KAZN: variants seen among roughly 807,000 people sequenced by gnomAD.
KAZN encodes the protein kazrin.
In KAZN, 40 loss-of-function variants were observed where a neutral mutation model predicts 87.4. That is an observed-to-expected ratio of 0.46 (90% CI 0.36 to 0.60). The LOEUF is 0.60. Ranked by LOEUF, KAZN falls within the 20% of genes least tolerant of loss-of-function variation. The probability of loss-of-function intolerance (pLI) is 0.00; values close to 1 mark genes in which losing one functional copy is unlikely to be tolerated. For synonymous variants in KAZN, 466 were observed against 458.3 expected, an observed-to-expected ratio of 1.02 and a Z score of -0.22; for missense variants, 898 against 1,073.9, an observed-to-expected ratio of 0.84 and a Z score of 2.29.
chr1:14,410,326 TCATA>T (rs1301536042), intron 2 of KAZN, among the ~76,000 whole-genome samples: 1 of 152,178 alleles, frequency 6.6e-6, no homozygotes, highest in East Asian at 1.9e-4. Flanking sequence ...GATCTTGAAC[TCATA>T]GCCTTAAGTG....
intron 2 of KAZN, among the ~76,000 whole-genome samples, chr1:14,511,095 G>A (rs1158757039): frequency 7.2e-6 from 1 of 138,058 alleles, no homozygotes; most frequent in Non-Finnish European, 1.5e-5. Flanking sequence ...ATGGGCTTTA[G>A]AGTTATCTGC....
chr1:14,389,919 C>G (rs1311367890), intron 2 of KAZN, among the ~76,000 whole-genome samples: 2 of 152,152 alleles, frequency 1.3e-5, no homozygotes, highest in African/African-American at 4.8e-5. Flanking sequence ...CCCATTTACC[C>G]TGCTGTGACC....
intron 1 of KAZN, among the ~76,000 whole-genome samples, chr1:14,623,525 T>G (rs1678877943): frequency 6.6e-6 from 1 of 152,292 alleles, no homozygotes; most frequent in African/African-American, 2.4e-5. Flanking sequence ...GGTATTGAAC[T>G]TAATACCTGA....
At chr1:14,359,229 T>C (rs1488986461) in intron 2 of KAZN, among the ~76,000 whole-genome samples, 1 of 152,314 alleles carries the variant, frequency 6.6e-6, no homozygotes, top group East Asian at 1.9e-4. Flanking sequence ...TATCAGAGAC[T>C]AGGATTACAA....
rs1454842978 is a variant in KAZN at position 15,094,539 on chromosome 1, C to T, written c.1428+154C>T. On this transcript the variant is annotated intron_variant, in intron 9 of 14. Transcript: ENST00000376030. This position sits in a 1 kb window ranked among gnomAD's most constrained non-coding sequence, Gnocchi z 4.5. Reference sequence around the variant, plus strand: ...GCAATCAGCCTCTGATGTACCTGCTCATTGTGCCTCCCTGGCAAGGCAGAG... The same window carrying T: ...GCAATCAGCCTCTGATGTACCTGCTTATTGTGCCTCCCTGGCAAGGCAGAG... Among the ~76,000 whole-genome samples the T allele has an allele frequency of 2.0e-5, 3 of 152,212 alleles. No individual in the cohort carries two copies. Among genetic ancestry groups the T allele is most frequent in the Non-Finnish European group, 4.4e-5 (3 of 68,018 alleles).
chr1:14,327,788 C>A (rs919849422), intron 2 of KAZN, among the ~76,000 whole-genome samples: 1 of 152,174 alleles, frequency 6.6e-6, no homozygotes, highest in South Asian at 2.1e-4. Flanking sequence ...ACACTAATCA[C>A]GCATTCTCCA....
intron 2 of KAZN, among the ~76,000 whole-genome samples, chr1:14,967,150 T>C (rs1207513954): frequency 6.6e-6 from 1 of 151,882 alleles, no homozygotes; most frequent in African/African-American, 2.4e-5. Context: ...TCAGCAGGAG[T>C]CACTATGTGA....
intron 1 of KAZN, among the ~76,000 whole-genome samples, chr1:14,713,416 G>A (rs920967899): frequency 9.2e-5 from 14 of 152,136 alleles, no homozygotes; most frequent in Admixed American, 6.5e-4. Context: ...GCTGATCACT[G>A]TCATTTACGG....
chr1:14,064,371 G>T (rs72641641), intron 1 of KAZN, among the ~76,000 whole-genome samples: 9 of 152,042 alleles, frequency 5.9e-5, no homozygotes, highest in African/African-American at 9.7e-5. Flanking sequence ...ACCAGAAAAG[G>T]CACGGTCAAC....
At chr1:14,553,346 G>A (rs1673660987) in intron 2 of KAZN, among the ~76,000 whole-genome samples, 1 of 152,162 alleles carries the variant, frequency 6.6e-6, no homozygotes, top group African/African-American at 2.4e-5. Context: ...GGGAGAGAGG[G>A]AGACTCTGCC....
chr1:15,045,431 A>G (rs1673367888), intron 4 of KAZN, among the ~76,000 whole-genome samples: 1 of 152,110 alleles, frequency 6.6e-6, no homozygotes, highest in Non-Finnish European at 1.5e-5. Flanking sequence ...TTGACCCTTA[A>G]ACAACGCAGG....
intron 2 of KAZN, among the ~76,000 whole-genome samples, chr1:14,511,529 A>G (rs549891744): frequency 4.6e-5 from 7 of 152,240 alleles, no homozygotes; most frequent in Non-Finnish European, 1.0e-4. Context: ...TCCCTACTGT[A>G]TGCTTTCACA....
At chr1:13,895,052 G>A (rs1638983418) in intron 1 of KAZN, among the ~76,000 whole-genome samples, 1 of 152,158 alleles carries the variant, frequency 6.6e-6, no homozygotes, top group Admixed American at 6.5e-5. Context: ...CACTCCATAA[G>A]GTCATTGCAA....
At chr1:14,094,117 G>C (rs1019667962) in intron 1 of KAZN, among the ~76,000 whole-genome samples, 1 of 152,168 alleles carries the variant, frequency 6.6e-6, no homozygotes, top group Non-Finnish European at 1.5e-5. Flanking sequence ...TTGGGGAAGA[G>C]GGATTCTAGC....
chr1:14,358,449 T>C (rs1659227706), intron 2 of KAZN, among the ~76,000 whole-genome samples: 1 of 152,164 alleles, frequency 6.6e-6, no homozygotes, highest in Non-Finnish European at 1.5e-5. Flanking sequence ...TTTTAGTTAT[T>C]TCTTGTATTT....
intron 1 of KAZN, among the ~76,000 whole-genome samples, chr1:14,021,952 G>GGT (rs1570547198): frequency 3.7e-5 from 2 of 53,706 alleles, no homozygotes; most frequent in Non-Finnish European, 7.5e-5. Context: ...GAATGAACAT[G>GGT]CTTTTTTTTT....
intron 2 of KAZN, among the ~76,000 whole-genome samples, chr1:15,024,415 G>A (rs556476996): frequency 1.3e-5 from 2 of 152,242 alleles, no homozygotes; most frequent in Non-Finnish European, 1.5e-5. Context: ...GAACATTTTT[G>A]TTCCAAAAGG....
chr1:14,844,352 G>A lies in KAZN; in HGVS notation c.227-116332G>A, dbSNP rs142702313. ...TTCTCCTCTAAAGGTTGATGTGGAG[G>A]TAAAATTAGGTGCTACAAGTTAAGA... On this transcript the variant is annotated intron_variant, in intron 1 of 14. Coordinates refer to ENST00000376030, the MANE Select transcript of KAZN (RefSeq NM_201628.3). 8.1e-4 allele frequency among the ~76,000 whole-genome samples: 123 copies of A among 152,346 alleles called. 2 individuals carry two copies. Among genetic ancestry groups the A allele is most frequent in the African/African-American group, 2.8e-3 (117 of 41,580 alleles).
At position 14,799,599 on chromosome 1, in the gene KAZN, C is replaced by T. The variant is rs572199876; in HGVS notation, c.227-161085C>T. Among the ~76,000 whole-genome samples the T allele has an allele frequency of 5.3e-5, 8 of 152,294 alleles. No homozygotes were observed. The South Asian group carries it at 1.7e-3, about 32-fold the overall frequency. ...TGATCAGAAACGGGCCTGGCCAGAG[C>T]CAGCTCTTCAAAGAGGGGATGTTAT... On this transcript the variant is annotated intron_variant, in intron 1 of 14. Coordinates refer to ENST00000376030, the MANE Select transcript of KAZN (RefSeq NM_201628.3).
Sources: gnomAD v4.1 joint callset for allele counts (sites outside exome capture counted in the v4.1 genomes callset) on GRCh38, gnomAD v4.1.1 for gene constraint, Gnocchi (gnomAD v3.1) non-coding constraint, MANE v1.5 for transcripts, NCBI Gene and HGNC (gene_info 2026-07-23, HGNC 2026-07-21) for gene names.